Variants in KIF1B observed in about 807,000 individuals in gnomAD.
KIF1B encodes kinesin-like protein KIF1B.
KIF1B carries 76 observed loss-of-function variants against 241.9 expected under a neutral mutation model. That is an observed-to-expected ratio of 0.31 (90% CI 0.26 to 0.38). KIF1B has a LOEUF of 0.38. Among genes scored for constraint, KIF1B ranks in the 10% least tolerant of loss-of-function variants. The pLI, the probability that KIF1B is intolerant of heterozygous loss-of-function variation, is 1.00. For synonymous variants in KIF1B, 750 were observed against 796.7 expected (o/e 0.94, Z 0.99); for missense variants, 1,622 against 2,271.4 (o/e 0.71, Z 5.81).
chr1:10,352,578 A>G (rs4846215), intron 37 of KIF1B, 53 bp from the exon 38 acceptor site: 1 of 1,447,022 alleles, frequency 6.9e-7, no homozygotes, highest in Non-Finnish European at 9.7e-7. Context: ...TAATGAATTC[A>G]TGTTTTGTTT....
chr1:10,217,131 G>A (rs1646779669), intron 1 of KIF1B, among the ~76,000 whole-genome samples: 2 of 150,850 alleles, frequency 1.3e-5, no homozygotes, highest in African/African-American at 4.9e-5. Context: ...GTGCCACCAC[G>A]CCCAGCTAAT....
chr1:10,277,527 G>A lies in KIF1B; in HGVS notation c.1038-459G>A, dbSNP rs74670368. On this transcript the variant is annotated intron_variant, in intron 12 of 48. Coordinates refer to ENST00000676179, the MANE Select transcript of KIF1B (RefSeq NM_001365951.3). ...TTTTTAAAAATTTCTTGTAGAGATG[G>A]GGGGTCTTGTTAGGTTACTCAGGCT... 5.6e-3 allele frequency among the ~76,000 whole-genome samples: 858 copies of A among 152,136 alleles called. 11 individuals carry two copies. The highest frequency in any genetic ancestry group is 0.019 in the African/African-American group (798 of 41,514).
intron 1 of KIF1B, 82 bp from the exon 2 acceptor site, chr1:10,232,168 A>AAGATAGTAGTT (rs1553160979): frequency 3.2e-6 from 2 of 617,708 alleles, no homozygotes; most frequent in African/African-American, 3.7e-5. Flanking sequence ...AAATAGAACT[A>AAGATAGTAGTT]AGATAGTAGT....
At chr1:10,281,671 T>C (rs1649412098) in intron 14 of KIF1B, among the ~76,000 whole-genome samples, 2 of 152,260 alleles carry the variant, frequency 1.3e-5, no homozygotes, top group African/African-American at 4.8e-5. Flanking sequence ...CAATTAGTCC[T>C]GAGTTTTTAA....
chr1:10,326,547 G>A lies in KIF1B; in HGVS notation c.2924+188G>A, dbSNP rs533568706. 2.0e-5 allele frequency among the ~76,000 whole-genome samples: 3 copies of A among 152,296 alleles called. No homozygotes were observed. The highest frequency in any genetic ancestry group is 6.5e-5 in the Admixed American group (1 of 15,302). On this transcript the variant is annotated intron_variant, in intron 27 of 48. Transcript: ENST00000676179. This position sits in a 1 kb window ranked among gnomAD's most constrained non-coding sequence, Gnocchi z 5.2. ...CTGAGATGGTTCTCAGGCATTGTGTGTGAGGTCCTCAGTCTACTCAGCACA... is the reference window on the plus strand; with the variant it reads ...CTGAGATGGTTCTCAGGCATTGTGTATGAGGTCCTCAGTCTACTCAGCACA...
chr1:10,213,975 C>CA (rs112027662), intron 1 of KIF1B, among the ~76,000 whole-genome samples: 4,440 of 142,602 alleles, frequency 0.031, 71 homozygotes, highest in Middle Eastern at 0.039. Context: ...CCATCTCTAC[C>CA]AAAAAAAAAA....
intron 34 of KIF1B, among the ~76,000 whole-genome samples, chr1:10,343,526 G>A (rs777025337): frequency 6.6e-6 from 1 of 152,160 alleles, no homozygotes; most frequent in Non-Finnish European, 1.5e-5. Context: ...GGGAGGCCGA[G>A]GCAGGTGGAT....
chr1:10,307,718 A>G (rs1650898186), intron 22 of KIF1B: 1 of 1,027,726 alleles, frequency 9.7e-7, no homozygotes, highest in African/African-American at 1.7e-5. Flanking sequence ...CCTAGCTATT[A>G]TTATAGCAAA....
chr1:10,313,754 G>A (rs1651177661), intron 22 of KIF1B, among the ~76,000 whole-genome samples: 2 of 150,712 alleles, frequency 1.3e-5, no homozygotes, highest in Admixed American at 1.3e-4. Context: ...GTTTCACCGT[G>A]TTAGCCAGGA....
chr1:10,296,737 G>A, intron 20 of KIF1B, 72 bp downstream of exon 20: 1 of 1,470,044 alleles, frequency 6.8e-7, no homozygotes, highest in Non-Finnish European at 9.5e-7. Context: ...ATTTTTGGCT[G>A]TTTAAAGGCT....
At chr1:10,354,727 G>A (rs916773565) in intron 38 of KIF1B, among the ~76,000 whole-genome samples, 1 of 152,128 alleles carries the variant, frequency 6.6e-6, no homozygotes, top group Non-Finnish European at 1.5e-5. Context: ...TCAACTCTTC[G>A]GAGCGAAGTG....
At chr1:10,313,210 C>T (rs886838348) in intron 22 of KIF1B, among the ~76,000 whole-genome samples, 29 of 151,180 alleles carry the variant, frequency 1.9e-4, no homozygotes, top group Non-Finnish European at 3.5e-4. Context: ...AGACTACAGG[C>T]ACACGCCACC....
chr1:10,371,701 G>A (rs1273854947), intron 45 of KIF1B, among the ~76,000 whole-genome samples: 1 of 152,226 alleles, frequency 6.6e-6, no homozygotes, highest in Non-Finnish European at 1.5e-5. Context: ...CGGATGCCAA[G>A]GCAGGAGGAT....
intron 2 of KIF1B, among the ~76,000 whole-genome samples, chr1:10,250,897 T>C (rs546569487): frequency 6.6e-6 from 1 of 152,240 alleles, no homozygotes; most frequent in African/African-American, 2.4e-5. Context: ...GTGCAGTGGC[T>C]CACACGTGTA....
At chr1:10,214,202 A>G (rs371270928) in intron 1 of KIF1B, among the ~76,000 whole-genome samples, 3 of 152,172 alleles carry the variant, frequency 2.0e-5, no homozygotes, top group Admixed American at 6.5e-5. Context: ...CTCTTTTACT[A>G]TAGGCATTAC....
chr1:10,321,717 A>T lies in KIF1B; in HGVS notation c.2218A>T (p.Thr740Ser). Reference sequence around the variant, plus strand: ...ATCATTCATTCTTTCAGTTCCTTGGACACAGCATGAATTTGAGTTGGCCCA... The same window carrying T: ...ATCATTCATTCTTTCAGTTCCTTGGTCACAGCATGAATTTGAGTTGGCCCA... ...EEEEEEEVPWTQHEFELAQWA... is the reference protein window; with the variant it reads ...EEEEEEEVPWSQHEFELAQWA... The change falls in exon 24 of 49, where the codon ACA becomes TCA. Residue 740 changes from threonine (T) to serine (S), a missense_variant. Thr to Ser is a moderately conservative substitution (Grantham distance 58). Transcript: ENST00000676179. 1 of 1,614,102 alleles carries T rather than the reference A, an allele frequency of 6.2e-7. No homozygotes were observed. Among genetic ancestry groups the T allele is most frequent in the Admixed American group, 1.7e-5 (1 of 60,020 alleles).
At chr1:10,212,504 C>G (rs12133125) in intron 1 of KIF1B, among the ~76,000 whole-genome samples, 38,950 of 152,030 alleles carry the variant, frequency 0.26, 5,149 homozygotes, top group Admixed American at 0.31. Flanking sequence ...GATGGCATGC[C>G]TGCTTTCTTC....
At chr1:10,283,155 C>T (rs186363568) in intron 15 of KIF1B, among the ~76,000 whole-genome samples, 23 of 139,702 alleles carry the variant, frequency 1.6e-4, no homozygotes, top group African/African-American at 5.0e-4. Context: ...TGCAGTGAGC[C>T]GAGATCGTGC....
Position 10,226,270 on chromosome 1 carries a change from G to A in KIF1B, c.-79-5980G>A, listed in dbSNP as rs578252037. 2.0e-3 allele frequency among the ~76,000 whole-genome samples: 303 copies of A among 152,308 alleles called. 1 individual carries two copies. The highest frequency in any genetic ancestry group is 7.0e-3 in the African/African-American group (290 of 41,576). On this transcript the variant is annotated intron_variant, in intron 1 of 48. Transcript: ENST00000676179. ...GCCAAAGAGCTGGTATTGTTTTGGGGATAGAGGTTTCGGCTTTAGTTGTGT... is the reference window on the plus strand; with the variant it reads ...GCCAAAGAGCTGGTATTGTTTTGGGAATAGAGGTTTCGGCTTTAGTTGTGT...
Sources: allele counts gnomAD v4.1 joint callset (sites outside exome capture counted in the v4.1 genomes callset), GRCh38; gene constraint gnomAD v4.1.1; non-coding constraint Gnocchi (gnomAD v3.1); transcripts MANE v1.5; gene names NCBI Gene and HGNC (gene_info 2026-07-23, HGNC 2026-07-21).